Variants in DPP6 observed in about 807,000 individuals in gnomAD.
DPP6 encodes the protein A-type potassium channel modulatory protein DPP6.
Under a neutral mutation model 122.6 loss-of-function variants are expected in DPP6, and 69 were observed. That is an observed-to-expected ratio of 0.56 (90% CI 0.46 to 0.69). DPP6 has a LOEUF of 0.69. DPP6 is among the 30% of genes least tolerant of loss of function. DPP6 has a pLI of 0.00. For synonymous variants in DPP6, 418 were observed against 433.1 expected, an observed-to-expected ratio of 0.97 and a Z score of 0.43; for missense variants, 928 against 1,116.9, an observed-to-expected ratio of 0.83 and a Z score of 2.41.
chr7:154,613,140 G>A (rs1166079478), intron 5 of DPP6, among the ~76,000 whole-genome samples: 1 of 152,144 alleles, frequency 6.6e-6, no homozygotes, highest in South Asian at 2.1e-4. Flanking sequence ...ATTACCTCCT[G>A]AAGTCCACAG....
chr7:154,703,631 A>G (rs11975944), intron 7 of DPP6, among the ~76,000 whole-genome samples: 6,412 of 151,428 alleles, frequency 0.042, 456 homozygotes, highest in African/African-American at 0.15. Flanking sequence ...AAAAAAAAAA[A>G]AAAAGAAAAG....
intron 1 of DPP6, among the ~76,000 whole-genome samples, chr7:153,951,055 A>G (rs1274343878): frequency 3.9e-5 from 6 of 152,150 alleles, no homozygotes; most frequent in African/African-American, 1.2e-4. Context: ...ACAGAAGGGA[A>G]TGCAGTGAGG....
chr7:154,365,874 C>T (rs896595458), intron 1 of DPP6, among the ~76,000 whole-genome samples: 7 of 146,686 alleles, frequency 4.8e-5, no homozygotes, highest in Non-Finnish European at 1.0e-4. Flanking sequence ...AGGAGAATGG[C>T]GTGAACCTGG....
chr7:154,132,728 C>T (rs1217568879), intron 1 of DPP6, among the ~76,000 whole-genome samples: 2 of 152,184 alleles, frequency 1.3e-5, no homozygotes, highest in East Asian at 3.9e-4. Context: ...ATCAAAAAAT[C>T]TTCCATTGGG....
At chr7:154,552,567 G>T (rs1829715285) in intron 4 of DPP6, among the ~76,000 whole-genome samples, 1 of 152,180 alleles carries the variant, frequency 6.6e-6, no homozygotes, top group Non-Finnish European at 1.5e-5. Flanking sequence ...TGTGCTGGAT[G>T]GTCCATGGAG....
the DPP6 span, among the ~76,000 whole-genome samples, chr7:153,802,153 C>T: frequency 1.2e-4 from 18 of 152,162 alleles, no homozygotes; most frequent in Non-Finnish European, 1.8e-4. Context: ...GCTTGGCTTT[C>T]GGAGTGGGGC....
intron 16 of DPP6, among the ~76,000 whole-genome samples, chr7:154,828,178 A>T (rs111754518): frequency 6.6e-6 from 1 of 152,112 alleles, no homozygotes; most frequent in South Asian, 2.1e-4. Context: ...AGAACGCCTT[A>T]TTCGTGGGAG....
the DPP6 span, among the ~76,000 whole-genome samples, chr7:153,807,083 ACTGAAAATT>A: frequency 6.6e-6 from 1 of 151,958 alleles, no homozygotes; most frequent in Non-Finnish European, 1.5e-5. Context: ...AATTTAGAAA[ACTGAAAATT>A]CTGTTAGAGA....
At chr7:154,756,633 C>T (rs1563175773) in intron 8 of DPP6, among the ~76,000 whole-genome samples, 3 of 152,156 alleles carry the variant, frequency 2.0e-5, no homozygotes, top group Middle Eastern at 3.4e-3. Flanking sequence ...GCCACCCATC[C>T]CACCTCCTTA....
At chr7:154,536,531 A>T (rs1270613442) in intron 3 of DPP6, among the ~76,000 whole-genome samples, 3 of 152,170 alleles carry the variant, frequency 2.0e-5, no homozygotes, top group Non-Finnish European at 2.9e-5. Flanking sequence ...ATGAAATCTC[A>T]ATCAGTTTCC....
rs1312638739 is a variant in DPP6, at chr7:154,062,752, G to T, written c.243+9689G>T. On this transcript the variant is annotated intron_variant, in intron 1 of 25. Coordinates refer to ENST00000377770, the MANE Select transcript of DPP6 (RefSeq NM_130797.4). ...GGGGGGGGGAGGCACCCTCCGCGAG[G>T]CAGGGACTGAGAGCCAACCCCTGGT... Among the ~76,000 whole-genome samples, 3 of 74,900 alleles carry T rather than the reference G, an allele frequency of 4.0e-5. 1 individual carries two copies. The highest frequency in any genetic ancestry group is 5.0e-5 in the Non-Finnish European group (2 of 40,308). 49.1% of individuals were successfully genotyped at this position (74,900 alleles called of 152,430 possible). A position where few individuals can be genotyped will look rare whatever the true frequency, so the allele number is the denominator to read the frequency against.
intron 5 of DPP6, among the ~76,000 whole-genome samples, chr7:154,603,656 C>CAAAAAAAAAAAAA (rs779501891): frequency 4.0e-5 from 1 of 24,986 alleles, no homozygotes; most frequent in African/African-American, 1.1e-4. Flanking sequence ...AACTCTGTCT[C>CAAAAAAAAAAAAA]AAAAAAAAAA....
intron 7 of DPP6, among the ~76,000 whole-genome samples, chr7:154,689,794 A>C (rs1235032365): frequency 6.6e-6 from 1 of 152,260 alleles, no homozygotes; most frequent in Non-Finnish European, 1.5e-5. Context: ...CTGATGTTTT[A>C]CTGAAAGTCT....
At chr7:154,413,426 G>A (rs1040010139) in intron 1 of DPP6, among the ~76,000 whole-genome samples, 1 of 152,194 alleles carries the variant, frequency 6.6e-6, no homozygotes, top group African/African-American at 2.4e-5. Context: ...TGCAAAGAGA[G>A]TATGGTGGCG....
rs1164618497 is a variant in DPP6 at position 154,178,364 on chromosome 7, C to CT, written c.243+125314dup. ...TTTAAAGTGCTTTCATGCTGACCAT[C>CT]TTTTTTTTTTTTTCCTTCTATCTTC... On this transcript the variant is annotated intron_variant, in intron 1 of 25. Transcript: ENST00000377770. Among the ~76,000 whole-genome samples, 862 of 144,660 alleles carry CT rather than the reference C, an allele frequency of 6.0e-3. 3 individuals carry two copies. Among genetic ancestry groups the CT allele is most frequent in the African/African-American group, 0.017 (674 of 39,824 alleles). 94.9% of individuals were successfully genotyped at this position (144,660 alleles called of 152,430 possible). A position where few individuals can be genotyped will look rare whatever the true frequency, so the allele number is the denominator to read the frequency against.
intron 1 of DPP6, among the ~76,000 whole-genome samples, chr7:154,242,875 C>G (rs1801717268): frequency 6.6e-6 from 1 of 152,186 alleles, no homozygotes; most frequent in Non-Finnish European, 1.5e-5. Context: ...TTCTGCAGGG[C>G]TGGGAATGAA....
intron 7 of DPP6, among the ~76,000 whole-genome samples, chr7:154,698,247 C>A (rs937011): frequency 0.91 from 138,301 of 152,252 alleles, 63,365 homozygotes; most frequent in South Asian, 1. Flanking sequence ...TTCATTGAGT[C>A]GATCTACCAA....
chr7:153,943,467 T>C (rs993330048), intron 1 of DPP6, among the ~76,000 whole-genome samples: 10 of 152,224 alleles, frequency 6.6e-5, no homozygotes, highest in Admixed American at 5.2e-4. Flanking sequence ...CCCTCTTTTT[T>C]GTCCTTCTCC....
intron 5 of DPP6, among the ~76,000 whole-genome samples, chr7:154,597,193 G>A (rs754724217): frequency 3.3e-5 from 5 of 151,726 alleles, no homozygotes; most frequent in Non-Finnish European, 7.4e-5. Context: ...AGAGGGTGGG[G>A]AGACAGAGAA....
Sources: allele counts gnomAD v4.1 joint callset (sites outside exome capture counted in the v4.1 genomes callset), GRCh38; gene constraint gnomAD v4.1.1; transcripts MANE v1.5; gene names NCBI Gene and HGNC (gene_info 2026-07-23, HGNC 2026-07-21).